Variants in KCTD16 observed in about 807,000 individuals in gnomAD.
KCTD16 encodes potassium channel tetramerization domain containing 16, also known as BTB/POZ domain-containing protein KCTD16.
In KCTD16, 13 loss-of-function variants were observed where a neutral mutation model predicts 33.2. The ratio of observed to expected loss-of-function variants is 0.39; its 90% confidence interval spans 0.25 to 0.62. The LOEUF is 0.62. Among genes scored for constraint, KCTD16 ranks in the 20% least tolerant of loss-of-function variants. The probability of loss-of-function intolerance (pLI) is 0.50; values close to 1 mark genes in which losing one functional copy is unlikely to be tolerated. For synonymous variants in KCTD16, 197 were observed against 195.3 expected (o/e 1.01, Z -0.07); for missense variants, 441 against 525.1 (o/e 0.84, Z 1.57).
intron 3 of KCTD16, among the ~76,000 whole-genome samples, chr5:144,407,201 G>GTTT (rs60786617): frequency 2.1e-4 from 30 of 142,480 alleles, no homozygotes; most frequent in African/African-American, 5.4e-4. Context: ...AAAAATTCCT[G>GTTT]TTTTTTTTTT....
At chr5:144,343,792 T>A (rs532953651) in intron 3 of KCTD16, among the ~76,000 whole-genome samples, 1 of 152,218 alleles carries the variant, frequency 6.6e-6, no homozygotes. Flanking sequence ...TTTGTTCTCA[T>A]TGGTTTCAAA....
chr5:144,211,512 A>G (rs1753391432), intron 3 of KCTD16, among the ~76,000 whole-genome samples: 3 of 152,170 alleles, frequency 2.0e-5, no homozygotes, highest in Non-Finnish European at 4.4e-5. Flanking sequence ...CAAATTATTA[A>G]AACTATTGTA....
intron 2 of KCTD16, among the ~76,000 whole-genome samples, chr5:144,188,817 C>T (rs928814951): frequency 2.0e-5 from 3 of 152,134 alleles, no homozygotes; most frequent in African/African-American, 7.2e-5. Context: ...CAAATACTCA[C>T]CTCCCCTCCC....
In KCTD16 at chr5:144,247,400, C is replaced by T. The variant is rs1413271389; in HGVS notation, c.832+39854C>T. Among the ~76,000 whole-genome samples the T allele has an allele frequency of 2.0e-5, 3 of 152,170 alleles. 1 individual carries two copies. Among genetic ancestry groups the T allele is most frequent in the African/African-American group, 4.8e-5 (2 of 41,424 alleles). On this transcript the variant is annotated intron_variant, in intron 3 of 3. Coordinates refer to ENST00000512467, the MANE Select transcript of KCTD16 (RefSeq NM_020768.4). The stretch of plus-strand genomic sequence containing the variant: ...CTCTGTCAACAGCTTCTGTTGAGAT[C>T]CCAGCCACCAGCCTGCATTAGCTGC...
chr5:144,471,217 C>T (rs957161916), intron 3 of KCTD16, among the ~76,000 whole-genome samples: 1 of 152,068 alleles, frequency 6.6e-6, no homozygotes, highest in Non-Finnish European at 1.5e-5. Flanking sequence ...AAACCCCAAA[C>T]AAACACTTTT....
intron 3 of KCTD16, among the ~76,000 whole-genome samples, chr5:144,380,868 A>T (rs548310648): frequency 6.6e-6 from 1 of 152,302 alleles, no homozygotes; most frequent in African/African-American, 2.4e-5. Context: ...ACCCCAGAAG[A>T]AAACTTAGGA....
chr5:144,377,157 C>G (rs1286124404), intron 3 of KCTD16, among the ~76,000 whole-genome samples: 1 of 152,208 alleles, frequency 6.6e-6, no homozygotes, highest in Non-Finnish European at 1.5e-5. Flanking sequence ...GAGCCCTTCT[C>G]TGTTCAAGGA....
chr5:144,370,537 A>G (rs994343221), intron 3 of KCTD16, among the ~76,000 whole-genome samples: 5 of 152,170 alleles, frequency 3.3e-5, no homozygotes, highest in Admixed American at 6.5e-5. Context: ...CAACTTCATC[A>G]TTTTACAGAT....
rs1561558498 is a variant in KCTD16 at position 144,299,117 on chromosome 5, TA to T, written c.832+91572del. 3.6e-3 allele frequency among the ~76,000 whole-genome samples: 65 copies of T among 17,938 alleles called. 3 individuals carry two copies. The highest frequency in any genetic ancestry group is 8.2e-3 in the African/African-American group (15 of 1,820). 11.8% of individuals were successfully genotyped at this position (17,938 alleles called of 152,430 possible). ...CTATGTATATATATATATATATATATATATATATATATATATATATATATAT... is the reference window on the plus strand; with the variant it reads ...CTATGTATATATATATATATATATATTATATATATATATATATATATATAT... On this transcript the variant is annotated intron_variant, in intron 3 of 3. Coordinates refer to ENST00000512467, the MANE Select transcript of KCTD16 (RefSeq NM_020768.4).
intron 3 of KCTD16, among the ~76,000 whole-genome samples, chr5:144,393,396 G>T (rs1315444425): frequency 6.6e-6 from 1 of 152,096 alleles, no homozygotes; most frequent in Non-Finnish European, 1.5e-5. Context: ...TTTTAAAGTG[G>T]GGGTAAATCT....
intron 3 of KCTD16, among the ~76,000 whole-genome samples, chr5:144,463,166 A>G (rs892951230): frequency 6.6e-6 from 1 of 152,184 alleles, no homozygotes; most frequent in South Asian, 2.1e-4. Context: ...AATATTATCA[A>G]TCTATGCAAA....
chr5:144,408,883 T>C (rs1752870260), intron 3 of KCTD16, among the ~76,000 whole-genome samples: 1 of 152,190 alleles, frequency 6.6e-6, no homozygotes, highest in Admixed American at 6.5e-5. Flanking sequence ...TGTCTCCCAC[T>C]TTCTTAACTT....
chr5:144,428,552 T>C (rs1473642186), intron 3 of KCTD16, among the ~76,000 whole-genome samples: 1 of 152,216 alleles, frequency 6.6e-6, no homozygotes, highest in Non-Finnish European at 1.5e-5. Flanking sequence ...CCTGAGTGAA[T>C]GACTTAAATC....
Position 144,477,530 on chromosome 5 carries a change from A to G in KCTD16, c.*3416A>G, listed in dbSNP as rs1429704262. The G allele has an allele frequency of 6.6e-6, 1 of 152,078 alleles. No individual in the cohort carries two copies. The highest frequency in any genetic ancestry group is 3.2e-3 in the Middle Eastern group (1 of 316). 9.4% of individuals were successfully genotyped at this position (152,078 alleles called of 1,614,324 possible). A position where few individuals can be genotyped will look rare whatever the true frequency, so the allele number is the denominator to read the frequency against. On this transcript the variant is annotated 3_prime_UTR_variant, in exon 4 of 4. Coordinates refer to ENST00000512467, the MANE Select transcript of KCTD16 (RefSeq NM_020768.4). The stretch of plus-strand genomic sequence containing the variant: ...TAGATTCAGAGGAATCTTTATCCAT[A>G]GGCACAGGTGTGTTGCTTGTTCTGG...
At chr5:144,203,726 C>G (rs368845091) in intron 2 of KCTD16, among the ~76,000 whole-genome samples, 1 of 152,270 alleles carries the variant, frequency 6.6e-6, no homozygotes, top group African/African-American at 2.4e-5. Context: ...ACTTTACAAC[C>G]AAAACCAGTA....
At chr5:144,470,340 A>T (rs1754441033) in intron 3 of KCTD16, among the ~76,000 whole-genome samples, 1 of 152,110 alleles carries the variant, frequency 6.6e-6, no homozygotes, top group Non-Finnish European at 1.5e-5. Context: ...TCTTGGGAAG[A>T]GGGTAGTCAG....
chr5:144,302,177 T>G (rs1206009834), intron 3 of KCTD16, among the ~76,000 whole-genome samples: 2 of 152,172 alleles, frequency 1.3e-5, no homozygotes, highest in African/African-American at 4.8e-5. Context: ...TAGGTGATCA[T>G]TATAAAAAGT....
At chr5:144,388,033 G>C (rs911066929) in intron 3 of KCTD16, among the ~76,000 whole-genome samples, 1 of 137,980 alleles carries the variant, frequency 7.2e-6, no homozygotes, top group African/African-American at 2.7e-5. Context: ...TATTAATCGG[G>C]AAAAAAAATC....
intron 3 of KCTD16, among the ~76,000 whole-genome samples, chr5:144,418,319 A>C (rs1753129445): frequency 6.6e-6 from 1 of 152,012 alleles, no homozygotes; most frequent in Admixed American, 6.6e-5. Context: ...TTATTACCTT[A>C]TTTGGCCCCA....
Sources: gnomAD v4.1 joint callset for allele counts (sites outside exome capture counted in the v4.1 genomes callset) on GRCh38, gnomAD v4.1.1 for gene constraint, MANE v1.5 for transcripts, NCBI Gene and HGNC (gene_info 2026-07-23, HGNC 2026-07-21) for gene names.